TMEM132C: variants seen among roughly 807,000 people sequenced by gnomAD.
The protein encoded by TMEM132C is transmembrane protein 132C.
TMEM132C carries 29 observed loss-of-function variants against 61.4 expected under a neutral mutation model. The observed-to-expected ratio is 0.47, with a 90% CI of 0.35 to 0.64. The LOEUF is 0.64. Among genes scored for constraint, TMEM132C ranks in the 30% least tolerant of loss-of-function variants. TMEM132C has a pLI of 0.00. For missense variants in TMEM132C, 1,408 were observed against 1,476.9 expected (o/e 0.95, Z 0.76); for synonymous variants, 656 against 633.1 (o/e 1.04, Z -0.54).
intron 2 of TMEM132C, among the ~76,000 whole-genome samples, chr12:128,473,260 ACTCCAACCCCTATCTTCATCTTCT>A: frequency 6.9e-6 from 1 of 145,442 alleles, no homozygotes; most frequent in Non-Finnish European, 1.5e-5. Flanking sequence ...CTTCATCCTC[ACTCCAACCCCTATCTTCATCTTCT>A]CTCCAGCCTC....
intron 2 of TMEM132C, among the ~76,000 whole-genome samples, chr12:128,473,301 C>T (rs375656695): frequency 3.1e-5 from 2 of 64,504 alleles, no homozygotes; most frequent in African/African-American, 6.5e-5. Context: ...CCTCCGTCTT[C>T]ATCTTCACTC....
chr12:128,392,786 T>TAA (rs9300287), intron 1 of TMEM132C, among the ~76,000 whole-genome samples: 2 of 141,762 alleles, frequency 1.4e-5, no homozygotes, highest in African/African-American at 5.1e-5. Flanking sequence ...GCTGATGAGC[T>TAA]AAAAAAAAAA....
chr12:128,412,887 ATCT>A (rs1868610230), intron 1 of TMEM132C, among the ~76,000 whole-genome samples: 1 of 152,100 alleles, frequency 6.6e-6, no homozygotes, highest in Non-Finnish European at 1.5e-5. Context: ...CTTCATACAG[ATCT>A]TCTTCCTTTT....
chr12:128,322,372 G>A (rs1872365623), intron 1 of TMEM132C, among the ~76,000 whole-genome samples: 3 of 152,368 alleles, frequency 2.0e-5, no homozygotes, highest in African/African-American at 7.2e-5. Context: ...GAGGCAAGAC[G>A]TCCTGGCAGA....
chr12:128,551,128 T>A (rs1316018928), intron 3 of TMEM132C, among the ~76,000 whole-genome samples: 2 of 152,100 alleles, frequency 1.3e-5, no homozygotes, highest in Non-Finnish European at 2.9e-5. Flanking sequence ...AACAACATCC[T>A]TAATCAGTCA....
intron 1 of TMEM132C, among the ~76,000 whole-genome samples, chr12:128,389,360 A>G (rs1874692224): frequency 6.6e-6 from 1 of 152,118 alleles, no homozygotes; most frequent in Admixed American, 6.5e-5. Context: ...GTGGAGGTGG[A>G]TGGGGACAGA....
chr12:128,637,306 C>G (rs1239751918), intron 4 of TMEM132C, among the ~76,000 whole-genome samples: 2 of 152,128 alleles, frequency 1.3e-5, no homozygotes, highest in Non-Finnish European at 2.9e-5. Context: ...TAAGTCATCC[C>G]GAAAGCTCTG....
chr12:128,467,869 C>T (rs1299301266), intron 2 of TMEM132C, among the ~76,000 whole-genome samples: 1 of 152,164 alleles, frequency 6.6e-6, no homozygotes, highest in Non-Finnish European at 1.5e-5. Context: ...TGATGTGTGC[C>T]CATCATGTGT....
chr12:128,677,814 G>A (rs1954604477), intron 5 of TMEM132C, among the ~76,000 whole-genome samples: 1 of 152,206 alleles, frequency 6.6e-6, no homozygotes, highest in Non-Finnish European at 1.5e-5. Flanking sequence ...GACCTCCAGG[G>A]CACGATACTA....
At chr12:128,549,473 A>C (rs537306304) in intron 3 of TMEM132C, among the ~76,000 whole-genome samples, 1 of 152,234 alleles carries the variant, frequency 6.6e-6, no homozygotes, top group South Asian at 2.1e-4. Flanking sequence ...GTTCTTGCAC[A>C]GTTTCCATCT....
chr12:128,592,059 GAAA>G (rs55727528), intron 3 of TMEM132C, among the ~76,000 whole-genome samples: 18 of 125,466 alleles, frequency 1.4e-4, no homozygotes, highest in African/African-American at 5.1e-4. Flanking sequence ...AAAAAAAAAA[GAAA>G]AAAAAAAAAA....
chr12:128,540,728 A>G (rs1373998168), intron 2 of TMEM132C, among the ~76,000 whole-genome samples: 2 of 152,130 alleles, frequency 1.3e-5, no homozygotes, highest in East Asian at 3.9e-4. Flanking sequence ...GTGGCCAAGC[A>G]TGGGGCAGAG....
chr12:128,329,837 G>A (rs970866374), intron 1 of TMEM132C, among the ~76,000 whole-genome samples: 6 of 152,142 alleles, frequency 3.9e-5, no homozygotes, highest in African/African-American at 1.4e-4. Context: ...AATTTATAAA[G>A]CCAAATATTT....
intron 3 of TMEM132C, among the ~76,000 whole-genome samples, chr12:128,550,362 G>C (rs1874128484): frequency 1.3e-5 from 2 of 151,868 alleles, no homozygotes; most frequent in Admixed American, 1.3e-4. Flanking sequence ...GGGTGCAGTG[G>C]TGTAAACAGG....
At chr12:128,565,373 A>G (rs1874660043) in intron 3 of TMEM132C, among the ~76,000 whole-genome samples, 1 of 152,256 alleles carries the variant, frequency 6.6e-6, no homozygotes. Flanking sequence ...CTTAAGCCAC[A>G]GAAACTTTGA....
intron 4 of TMEM132C, among the ~76,000 whole-genome samples, chr12:128,663,795 C>T (rs546569643): frequency 2.6e-5 from 4 of 152,282 alleles, no homozygotes; most frequent in East Asian, 3.9e-4. Flanking sequence ...CACACAGGCA[C>T]TCACACATAC....
rs552460747 is a variant in TMEM132C, at chr12:128,479,250, C to A, written c.974+63630C>A. On this transcript the variant is annotated intron_variant, in intron 2 of 8. Coordinates refer to ENST00000435159, the MANE Select transcript of TMEM132C (RefSeq NM_001136103.3). ...GGAGGGAGAGGATCAGGAAAAACAA[C>A]TAATGGATACTAGGCTCGATACCTG... 9.8e-5 allele frequency among the ~76,000 whole-genome samples: 15 copies of A among 152,296 alleles called. No homozygotes were observed. The South Asian group carries it at 3.1e-3, about 32-fold the overall frequency.
intron 3 of TMEM132C, among the ~76,000 whole-genome samples, chr12:128,578,845 G>A (rs1291041981): frequency 1.3e-5 from 2 of 152,114 alleles, no homozygotes; most frequent in Non-Finnish European, 1.5e-5. Context: ...TGATCTGCCC[G>A]CCTCTTCCTC....
intron 8 of TMEM132C, among the ~76,000 whole-genome samples, chr12:128,703,919 G>A (rs1954819587): frequency 6.6e-6 from 1 of 152,194 alleles, no homozygotes; most frequent in African/African-American, 2.4e-5. Flanking sequence ...CTCTATTCAT[G>A]GGAGTTCCCA....
Sources: allele counts gnomAD v4.1 joint callset (sites outside exome capture counted in the v4.1 genomes callset), GRCh38; gene constraint gnomAD v4.1.1; transcripts MANE v1.5; gene names NCBI Gene and HGNC (gene_info 2026-07-23, HGNC 2026-07-21).